LANCL2: variants seen among roughly 807,000 people sequenced by gnomAD.
LANCL2 encodes LanC like glutathione S-transferase 2.
A neutral mutation model predicts 56.9 loss-of-function variants in LANCL2; 33 were observed. That is an observed-to-expected ratio of 0.58 (90% confidence interval 0.44 to 0.78). The LOEUF (loss-of-function observed/expected upper bound fraction) is 0.78. LANCL2 is among the 30% of genes least tolerant of loss of function. LANCL2 has a pLI of 0.00. For synonymous variants in LANCL2, 233 were observed against 228.2 expected, an observed-to-expected ratio of 1.02 and a Z score of -0.19; for missense variants, 562 against 580.2, an observed-to-expected ratio of 0.97 and a Z score of 0.32.
rs573818801 is a variant in LANCL2, at chr7:55,431,268, C to G, written c.1301C>G (p.Pro434Arg). Reference protein sequence around the residue: ...AIHFLSDVLGPETSRFPAFEL... With the variant: ...AIHFLSDVLGRETSRFPAFEL... ...CACTTTCTCTCTGATGTCCTGGGAC[C>G]AGAGACATCACGGTTTCCAGCATTT... Residue 434 changes from proline to arginine, a missense_variant, in exon 9 of 9, where the codon CCA (proline) becomes CGA (arginine). Physicochemically the swap from Pro to Arg is moderately radical, Grantham distance 103. This residue lies in a region of LANCL2 where 378 missense variants were observed against 468.4 expected (regional missense o/e 0.81). Coordinates refer to ENST00000254770, the MANE Select transcript of LANCL2 (RefSeq NM_018697.4). The G allele has an allele frequency of 6.2e-7, 1 of 1,613,754 alleles. No individual in the cohort carries two copies.
rs1790653581 is a variant in LANCL2 at position 55,425,385 on chromosome 7, T to C, written c.1140T>C (p.Leu380=). ...GCAACGGCTATTCCTTCCTGTCCCT[T>C]TACCGTCTCACGCAGGATAAGAAGT... ...TAGNGYSFLS[L]YRLTQDKKYL... The change falls in exon 7 of 9, where the codon CTT becomes CTC. Residue 380 remains leucine, a synonymous_variant. Transcript: ENST00000254770. The C allele has an allele frequency of 1.2e-6, 2 of 1,614,144 alleles. No individual in the cohort carries two copies. Among genetic ancestry groups the C allele is most frequent in the Middle Eastern group, 3.3e-4 (2 of 6,062 alleles).
At chr7:55,368,520 A>G (rs1789900630) in intron 1 of LANCL2, among the ~76,000 whole-genome samples, 1 of 152,260 alleles carries the variant, frequency 6.6e-6, no homozygotes. Context: ...GAAAGTCATC[A>G]GATAAAATGA....
intron 2 of LANCL2, 45 bp downstream of exon 2, chr7:55,391,955 T>C: frequency 9.1e-7 from 1 of 1,099,682 alleles, no homozygotes; most frequent in Non-Finnish European, 1.4e-6. Context: ...TATTCTTAGA[T>C]TATGAGATGT....
At chr7:55,374,017 T>C (rs1008366781) in intron 1 of LANCL2, among the ~76,000 whole-genome samples, 1 of 152,262 alleles carries the variant, frequency 6.6e-6, no homozygotes, top group African/African-American at 2.4e-5. Context: ...AATTGTTTAA[T>C]CAAAATGAAA....
intron 1 of LANCL2, among the ~76,000 whole-genome samples, chr7:55,366,945 A>T (rs560714647): frequency 6.6e-6 from 1 of 152,220 alleles, no homozygotes; most frequent in Non-Finnish European, 1.5e-5. Context: ...ACGTCTAGGT[A>T]GAAATCTCCG....
At chr7:55,371,411 A>G (rs953958235) in intron 1 of LANCL2, among the ~76,000 whole-genome samples, 1 of 152,132 alleles carries the variant, frequency 6.6e-6, no homozygotes, top group South Asian at 2.1e-4. Flanking sequence ...TTTTGTAGAG[A>G]CAGGGTTTTA....
Position 55,414,249 on chromosome 7 carries a change from G to T in LANCL2, c.1008+2160G>T, listed in dbSNP as rs533511106. On this transcript the variant is annotated intron_variant, in intron 6 of 8. Transcript: ENST00000254770. ...ATCTGTTTGCGTCTCTGAGCAGAGG[G>T]CGAGGTTTGTGTTTGACCAAGGCAG... Among the ~76,000 whole-genome samples the T allele has an allele frequency of 5.9e-5, 9 of 152,316 alleles. No individual in the cohort carries two copies. In the East Asian group the frequency reaches 1.5e-3, roughly 26 times the overall value.
At chr7:55,406,203 A>G (rs1790404841) in intron 5 of LANCL2, among the ~76,000 whole-genome samples, 1 of 152,152 alleles carries the variant, frequency 6.6e-6, no homozygotes, top group Non-Finnish European at 1.5e-5. Flanking sequence ...CCTTCTTGAG[A>G]TCCATGTTCA....
intron 1 of LANCL2, among the ~76,000 whole-genome samples, chr7:55,385,097 G>A (rs1790109808): frequency 6.6e-6 from 1 of 152,180 alleles, no homozygotes; most frequent in African/African-American, 2.4e-5. Flanking sequence ...TAAGGCAGGA[G>A]AATCGCTTGA....
At chr7:55,416,973 T>G (rs1466318895) in intron 6 of LANCL2, among the ~76,000 whole-genome samples, 1 of 70,650 alleles carries the variant, frequency 1.4e-5, no homozygotes, top group Non-Finnish European at 3.2e-5. Flanking sequence ...GAGGTGGTTT[T>G]TTTTTTTTTT....
chr7:55,377,478 C>T (rs1790016399), intron 1 of LANCL2, among the ~76,000 whole-genome samples: 1 of 152,112 alleles, frequency 6.6e-6, no homozygotes, highest in Non-Finnish European at 1.5e-5. Flanking sequence ...CCCCTTCCCC[C>T]TCCTCTTCTG....
intron 8 of LANCL2, among the ~76,000 whole-genome samples, chr7:55,429,258 G>A (rs989068662): frequency 6.6e-6 from 1 of 152,194 alleles, no homozygotes; most frequent in Non-Finnish European, 1.5e-5. Flanking sequence ...TGGTATTAGT[G>A]TAACTTAAAT....
At chr7:55,393,512 C>T (rs1444560468) in intron 2 of LANCL2, among the ~76,000 whole-genome samples, 2 of 151,896 alleles carry the variant, frequency 1.3e-5, no homozygotes, top group Admixed American at 1.3e-4. Flanking sequence ...GTCTGGGCAA[C>T]AGGAGTGAGA....
chr7:55,374,847 A>G (rs1039067642), intron 1 of LANCL2, among the ~76,000 whole-genome samples: 2 of 152,254 alleles, frequency 1.3e-5, no homozygotes, highest in Non-Finnish European at 2.9e-5. Context: ...TCACATATGT[A>G]AAATGTGAGT....
chr7:55,370,587 T>C (rs953184064), intron 1 of LANCL2, among the ~76,000 whole-genome samples: 2 of 152,176 alleles, frequency 1.3e-5, no homozygotes, highest in Non-Finnish European at 2.9e-5. Context: ...AGTGACAATA[T>C]GTAAAGAATA....
chr7:55,416,116 G>C (rs879509732), intron 6 of LANCL2, among the ~76,000 whole-genome samples: 1 of 152,124 alleles, frequency 6.6e-6, no homozygotes, highest in Non-Finnish European at 1.5e-5. Context: ...TGGTTGTTCT[G>C]CATCTGCCAA....
intron 5 of LANCL2, among the ~76,000 whole-genome samples, chr7:55,402,242 CG>C (rs1583755342): frequency 1.5e-5 from 2 of 134,368 alleles, no homozygotes; most frequent in Non-Finnish European, 3.2e-5. Context: ...GCTGGCCGGG[CG>C]GGGGGCTGAC....
At chr7:55,376,212 G>C (rs1188098695) in intron 1 of LANCL2, among the ~76,000 whole-genome samples, 2 of 152,194 alleles carry the variant, frequency 1.3e-5, no homozygotes, top group Non-Finnish European at 2.9e-5. Context: ...CTTTTGGTAA[G>C]TTACTTTACC....
chr7:55,366,127 C>G lies in LANCL2; in HGVS notation c.102C>G (p.Ala34=). ...FVNPFPDYEA[A]AGALLASGAA... ...ACCCCTTCCCGGACTACGAGGCCGC[C>G]GCCGGGGCGCTGCTCGCCTCCGGAG... is the stretch of plus-strand genomic sequence containing the variant. Residue 34 remains alanine (A), a synonymous_variant, in exon 1 of 9, where the codon GCC becomes GCG. Transcript: ENST00000254770. 1 of 1,545,896 alleles carries G rather than the reference C, an allele frequency of 6.5e-7. No homozygotes were observed. The highest frequency in any genetic ancestry group is 8.8e-7 in the Non-Finnish European group (1 of 1,142,846).
Sources: allele counts gnomAD v4.1 joint callset (sites outside exome capture counted in the v4.1 genomes callset), GRCh38; gene constraint gnomAD v4.1.1; regional missense constraint gnomAD v4.1.1; transcripts MANE v1.5; gene names NCBI Gene and HGNC (gene_info 2026-07-23, HGNC 2026-07-21).